LEPR: variants seen among roughly 807,000 people sequenced by gnomAD.
LEPR encodes the protein leptin receptor.
LEPR carries 56 observed loss-of-function variants against 114.7 expected under a neutral mutation model. That is an observed-to-expected ratio of 0.49 (90% CI 0.39 to 0.61). The LOEUF (loss-of-function observed/expected upper bound fraction) is 0.61. LEPR is among the 20% of genes least tolerant of loss of function. LEPR has a pLI of 0.00. For missense variants in LEPR, 1,202 were observed against 1,352.9 expected (o/e 0.89, Z 1.75); for synonymous variants, 443 against 461.4 (o/e 0.96, Z 0.51).
chr1:65,525,794 G>A (rs1465208784), intron 2 of LEPR: 1 of 985,970 alleles, frequency 1.0e-6, no homozygotes, highest in Non-Finnish European at 1.2e-6. Flanking sequence ...CTCTGCCTTC[G>A]GTCGAGTTGG....
chr1:65,573,415 A>C lies in LEPR; in HGVS notation c.494+966A>C, dbSNP rs542275642. ...GGTGCGTTTTATATTTCTTTTTCAG[A>C]TGATTTTTCGTATTCGATCTCTTTA... On this transcript the variant is annotated intron_variant, in intron 5 of 19. Coordinates refer to ENST00000349533, the MANE Select transcript of LEPR (RefSeq NM_002303.6). 8.6e-4 allele frequency among the ~76,000 whole-genome samples: 131 copies of C among 152,332 alleles called. No homozygotes were observed. The Middle Eastern group carries it at 0.014, about 16-fold the overall frequency.
chr1:65,473,301 C>T (rs1341977899), intron 2 of LEPR, among the ~76,000 whole-genome samples: 1 of 152,222 alleles, frequency 6.6e-6, no homozygotes, highest in African/African-American at 2.4e-5. Flanking sequence ...AATTTCTTGA[C>T]ACCATGCATA....
At chr1:65,549,552 T>C (rs1652106986) in intron 2 of LEPR, among the ~76,000 whole-genome samples, 1 of 152,166 alleles carries the variant, frequency 6.6e-6, no homozygotes, top group Admixed American at 6.5e-5. Context: ...TCTCGCTTCA[T>C]TTCATTCATT....
intron 2 of LEPR, among the ~76,000 whole-genome samples, chr1:65,564,229 A>G (rs1340033591): frequency 2.0e-5 from 3 of 150,980 alleles, no homozygotes; most frequent in African/African-American, 4.8e-5. Context: ...GGACCCTCCG[A>G]GCCAGGTGTG....
At chr1:65,554,820 G>C (rs2100736182) in intron 2 of LEPR, among the ~76,000 whole-genome samples, 1 of 152,214 alleles carries the variant, frequency 6.6e-6, no homozygotes, top group African/African-American at 2.4e-5. Flanking sequence ...TTTTGTGCTT[G>C]AAACCCAGGG....
chr1:65,596,712 T>C, intron 7 of LEPR, 119 bp downstream of exon 7: 1 of 893,714 alleles, frequency 1.1e-6, no homozygotes, highest in Admixed American at 2.5e-5. Flanking sequence ...GCAGAATGAA[T>C]TATAATTCAA....
At chr1:65,592,084 T>C (rs1470435034) in intron 5 of LEPR, among the ~76,000 whole-genome samples, 1 of 151,976 alleles carries the variant, frequency 6.6e-6, no homozygotes, top group Admixed American at 6.6e-5. Flanking sequence ...CATTACAAAT[T>C]TCTCCCCTCC....
chr1:65,595,406 C>T (rs1310493567), intron 6 of LEPR, among the ~76,000 whole-genome samples: 9 of 152,040 alleles, frequency 5.9e-5, no homozygotes, highest in African/African-American at 1.9e-4. Flanking sequence ...AGGAAATGTA[C>T]AATAGCTTGT....
intron 2 of LEPR, among the ~76,000 whole-genome samples, chr1:65,519,855 T>G (rs1649541084): frequency 6.6e-6 from 1 of 151,802 alleles, no homozygotes; most frequent in Non-Finnish European, 1.5e-5. Context: ...AAAAATGTTT[T>G]TTTTGTTTTG....
intron 2 of LEPR, among the ~76,000 whole-genome samples, chr1:65,473,830 T>G (rs1647121364): frequency 1.3e-5 from 2 of 152,222 alleles, no homozygotes; most frequent in South Asian, 4.1e-4. Flanking sequence ...TGTTGTCAAG[T>G]AAGACTTCCC....
chr1:65,601,326 G>A (rs1656425295), intron 8 of LEPR, 66 bp from the exon 9 acceptor site: 5 of 1,566,032 alleles, frequency 3.2e-6, no homozygotes, highest in Admixed American at 1.7e-5. Flanking sequence ...AATATTTTTC[G>A]ATGTGGTACA....
At chr1:65,602,586 A>G (rs1189513631) in intron 10 of LEPR, among the ~76,000 whole-genome samples, 1 of 152,062 alleles carries the variant, frequency 6.6e-6, no homozygotes, top group Non-Finnish European at 1.5e-5. Flanking sequence ...TGATTATATA[A>G]TAGATTTTTA....
chr1:65,583,351 A>G (rs990036075), intron 5 of LEPR, among the ~76,000 whole-genome samples: 3 of 152,208 alleles, frequency 2.0e-5, no homozygotes, highest in South Asian at 2.1e-4. Context: ...TTGGGTAAGA[A>G]AAACTTCTAG....
At chr1:65,550,812 G>A (rs1459684553) in intron 2 of LEPR, among the ~76,000 whole-genome samples, 1 of 152,130 alleles carries the variant, frequency 6.6e-6, no homozygotes, top group African/African-American at 2.4e-5. Context: ...CGCGCACAGC[G>A]CGCTGCACCC....
rs1157601278 is a variant in LEPR at position 65,543,053 on chromosome 1, G to A, written c.-20-22493G>A. ...AATTGTCATACTGTCTTCCACAATGGTTGAACTAATTTACACTCCCACCAA... is the reference window on the plus strand; with the variant it reads ...AATTGTCATACTGTCTTCCACAATGATTGAACTAATTTACACTCCCACCAA... On this transcript the variant is annotated intron_variant, in intron 2 of 19. Coordinates refer to ENST00000349533, the MANE Select transcript of LEPR (RefSeq NM_002303.6). 2.0e-5 allele frequency among the ~76,000 whole-genome samples: 3 copies of A among 151,894 alleles called. 1 individual carries two copies. The highest frequency in any genetic ancestry group is 7.3e-5 in the African/African-American group (3 of 41,218).
At chr1:65,461,530 A>G (rs185767106) in intron 2 of LEPR, among the ~76,000 whole-genome samples, 1 of 152,378 alleles carries the variant, frequency 6.6e-6, no homozygotes, top group East Asian at 1.9e-4. Context: ...TGGATTATAA[A>G]GTATAAATAA....
intron 2 of LEPR, among the ~76,000 whole-genome samples, chr1:65,450,793 G>A (rs1012925057): frequency 6.6e-6 from 1 of 151,786 alleles, no homozygotes; most frequent in African/African-American, 2.4e-5. Flanking sequence ...TATACACCCA[G>A]TAATGGGATG....
chr1:65,438,899 A>T (rs567367909), intron 2 of LEPR, among the ~76,000 whole-genome samples: 30 of 152,294 alleles, frequency 2.0e-4, no homozygotes, highest in African/African-American at 7.0e-4. Context: ...GAGAACTGCT[A>T]AACCTCATGT....
intron 19 of LEPR, chr1:65,626,311 TAAAGA>T: frequency 3.1e-6 from 4 of 1,309,750 alleles, no homozygotes; most frequent in South Asian, 5.6e-5. Context: ...TCTGGTAAAT[TAAAGA>T]AATGTGAAGA....
Sources: allele counts gnomAD v4.1 joint callset (sites outside exome capture counted in the v4.1 genomes callset), GRCh38; gene constraint gnomAD v4.1.1; transcripts MANE v1.5; gene names NCBI Gene and HGNC (gene_info 2026-07-23, HGNC 2026-07-21).